Variants in CREBL2 observed in about 807,000 individuals in gnomAD.
CREBL2 encodes cAMP-responsive element-binding protein-like 2.
In CREBL2, 4 loss-of-function variants were observed where a neutral mutation model predicts 19.5. That is an observed-to-expected ratio of 0.20 (90% confidence interval 0.10 to 0.47). The LOEUF (loss-of-function observed/expected upper bound fraction) is 0.47, where lower values mean the gene tolerates loss of function less well. Among genes scored for constraint, CREBL2 ranks in the 20% least tolerant of loss-of-function variants. The pLI is 0.98. For synonymous variants in CREBL2, 42 were observed against 46.6 expected, an observed-to-expected ratio of 0.90 and a Z score of 0.40; for missense variants, 85 against 145.1, an observed-to-expected ratio of 0.59 and a Z score of 2.13.
chr12:12,643,736 G>C lies in CREBL2; in HGVS notation c.*1738G>C, dbSNP rs1417769705. On this transcript the variant is annotated 3_prime_UTR_variant, in exon 4 of 4. Transcript: ENST00000228865. ...AGATACCACTAGCCCAGTTTGCTGG[G>C]TCTCTATGTTTTGGAAGTTGGGGGT... The C allele has an allele frequency of 6.6e-6, 1 of 152,094 alleles. No homozygotes were observed. Among genetic ancestry groups the C allele is most frequent in the African/African-American group, 2.4e-5 (1 of 41,410 alleles). 9.4% of individuals were successfully genotyped at this position (152,094 alleles called of 1,614,324 possible).
At chr12:12,639,076 G>A (rs1290301171) in intron 3 of CREBL2, among the ~76,000 whole-genome samples, 1 of 152,088 alleles carries the variant, frequency 6.6e-6, no homozygotes, top group Non-Finnish European at 1.5e-5. Context: ...TACAGTATGT[G>A]ACTTTTTGGG....
At chr12:12,633,983 C>T (rs1164935973) in intron 1 of CREBL2, among the ~76,000 whole-genome samples, 4 of 152,008 alleles carry the variant, frequency 2.6e-5, no homozygotes, top group Non-Finnish European at 5.9e-5. Flanking sequence ...TCTTCGAGGG[C>T]GATTTTCAGA....
rs557143119 is a variant in CREBL2 at position 12,635,560 on chromosome 12, G to A, written c.16-217G>A. Among the ~76,000 whole-genome samples the A allele has an allele frequency of 1.6e-4, 24 of 152,074 alleles. 1 individual carries two copies. In the South Asian group the frequency reaches 4.4e-3, roughly 28 times the overall value. ...TTATTATCAAATAAATAATAAAAAT[G>A]TATATTATTTCTTCTTTCACATTCA... is the stretch of plus-strand genomic sequence containing the variant. On this transcript the variant is annotated intron_variant, in intron 1 of 3. Coordinates refer to ENST00000228865, the MANE Select transcript of CREBL2 (RefSeq NM_001310.4).
chr12:12,617,882 T>C (rs543615132), intron 1 of CREBL2, among the ~76,000 whole-genome samples: 92 of 151,610 alleles, frequency 6.1e-4, no homozygotes, highest in African/African-American at 2.2e-3. Context: ...TTAACGAGCA[T>C]GCTGCCTTCA....
At chr12:12,631,904 ACT>A (rs1945444950) in intron 1 of CREBL2, among the ~76,000 whole-genome samples, 1 of 151,906 alleles carries the variant, frequency 6.6e-6, no homozygotes, top group Non-Finnish European at 1.5e-5. Context: ...TGTTATACTT[ACT>A]CTCTTAGAAC....
intron 2 of CREBL2, among the ~76,000 whole-genome samples, chr12:12,636,446 A>G (rs1381969427): frequency 2.6e-5 from 4 of 151,828 alleles, no homozygotes; most frequent in African/African-American, 9.7e-5. Flanking sequence ...TTTGAGATAG[A>G]GTCTTGCTCT....
chr12:12,636,164 G>A (rs1301347153), intron 2 of CREBL2, among the ~76,000 whole-genome samples, 190 bp downstream of exon 2: 3 of 152,198 alleles, frequency 2.0e-5, no homozygotes, highest in Non-Finnish European at 4.4e-5. Context: ...GTACGTGACT[G>A]TTAACACTAA....
In CREBL2 at chr12:12,643,771, T is replaced by A. The variant is rs530185673; in HGVS notation, c.*1773T>A. ...TTTGGAAGTTGGGGGTTTAATAATA[T>A]TTAATGTCTTTTTAGGATCATAAAC... On this transcript the variant is annotated 3_prime_UTR_variant, in exon 4 of 4. Coordinates refer to ENST00000228865, the MANE Select transcript of CREBL2 (RefSeq NM_001310.4). 6.6e-6 allele frequency: 1 copy of A among 152,326 alleles called. No homozygotes were observed. The highest frequency in any genetic ancestry group is 1.5e-5 in the Non-Finnish European group (1 of 68,036). The allele number at this position is 152,326 out of a possible 1,614,324, so 9.4% of individuals were successfully genotyped here. A position where few individuals can be genotyped will look rare whatever the true frequency, so the allele number is the denominator to read the frequency against.
chr12:12,634,131 A>G (rs1338417763), intron 1 of CREBL2, among the ~76,000 whole-genome samples: 1 of 151,864 alleles, frequency 6.6e-6, no homozygotes, highest in African/African-American at 2.4e-5. Flanking sequence ...CTCCAATACT[A>G]CTTTTCAGAA....
At chr12:12,612,776 A>G (rs556043935) in intron 1 of CREBL2, among the ~76,000 whole-genome samples, 9 of 152,262 alleles carry the variant, frequency 5.9e-5, no homozygotes, top group East Asian at 3.9e-4. Flanking sequence ...TCACCATCCA[A>G]TTTCCCTGTC....
intron 2 of CREBL2, among the ~76,000 whole-genome samples, chr12:12,636,399 CTTTA>C (rs1444511092): frequency 4.6e-5 from 7 of 152,050 alleles, no homozygotes; most frequent in African/African-American, 7.2e-5. Flanking sequence ...GTTTAAGTGA[CTTTA>C]TTTATTTATT....
At chr12:12,635,719 T>C (rs1317116776) in intron 1 of CREBL2, 58 bp from the exon 2 acceptor site, 2 of 1,534,420 alleles carry the variant, frequency 1.3e-6, no homozygotes, top group Admixed American at 2.1e-5. Flanking sequence ...TGCAGCCATA[T>C]TCACTTTTCT....
intron 1 of CREBL2, among the ~76,000 whole-genome samples, chr12:12,629,924 C>G (rs1945430224): frequency 6.6e-6 from 1 of 152,100 alleles, no homozygotes; most frequent in South Asian, 2.1e-4. Flanking sequence ...ATTGATTTCT[C>G]AGTTGTCAAA....
At chr12:12,636,244 A>G (rs1298321599) in intron 2 of CREBL2, among the ~76,000 whole-genome samples, 1 of 152,184 alleles carries the variant, frequency 6.6e-6, no homozygotes, top group Non-Finnish European at 1.5e-5. Flanking sequence ...GGTTAAATAA[A>G]TGTTACTACA....
At chr12:12,614,863 T>C in intron 1 of CREBL2, 2 of 259,096 alleles carry the variant, frequency 7.7e-6, no homozygotes, top group South Asian at 7.5e-5. Context: ...ATTAGTTTTT[T>C]TTTTTTTTTT....
rs869253910 is a variant in CREBL2 at position 12,632,068 on chromosome 12, C to CTTTTTTTTTTTTT, written c.16-3694_16-3682dup. ...CCTTGGATTCATATACTATGCCTTTCTTTTTTTTTTTTTTTTTTTTTTTTT... is the reference window on the plus strand; with the variant it reads ...CCTTGGATTCATATACTATGCCTTTCTTTTTTTTTTTTTTTTTTTTTTTTTTTTTTTTTTTTTT... On this transcript the variant is annotated intron_variant, in intron 1 of 3. Coordinates refer to ENST00000228865, the MANE Select transcript of CREBL2 (RefSeq NM_001310.4). Among the ~76,000 whole-genome samples, 10 of 80,626 alleles carry CTTTTTTTTTTTTT rather than the reference C, an allele frequency of 1.2e-4. 1 individual carries two copies. Among genetic ancestry groups the CTTTTTTTTTTTTT allele is most frequent in the African/African-American group, 5.2e-4 (10 of 19,408 alleles). The allele number at this position is 80,626 out of a possible 152,430, so 52.9% of individuals were successfully genotyped here.
At chr12:12,636,009 C>T (rs1945472051) in intron 2 of CREBL2, 35 bp downstream of exon 2, 1 of 1,558,856 alleles carries the variant, frequency 6.4e-7, no homozygotes, top group East Asian at 2.2e-5. Flanking sequence ...GAAAAAATCA[C>T]CTTAACAGTC....
At chr12:12,613,501 T>G (rs1172851152) in intron 1 of CREBL2, among the ~76,000 whole-genome samples, 1 of 152,320 alleles carries the variant, frequency 6.6e-6, no homozygotes, top group East Asian at 1.9e-4. Context: ...GTGTTCCTTG[T>G]TTTATTCTTT....
At position 12,619,385 on chromosome 12, in the gene CREBL2, G is replaced by A. The variant is rs1945342407; in HGVS notation, c.15+7198G>A. Among the ~76,000 whole-genome samples, 2 of 152,096 alleles carry A rather than the reference G, an allele frequency of 1.3e-5. 1 individual carries two copies. The highest frequency in any genetic ancestry group is 4.2e-4 in the South Asian group (2 of 4,818). Reference sequence around the variant, plus strand: ...AGCACTTTGAGAGGCCAAGGTGGGTGGATTGAGTTCAGGAGTTCAAGATCA... The same window carrying A: ...AGCACTTTGAGAGGCCAAGGTGGGTAGATTGAGTTCAGGAGTTCAAGATCA... On this transcript the variant is annotated intron_variant, in intron 1 of 3. Transcript: ENST00000228865.
Sources: gnomAD v4.1 joint callset for allele counts (sites outside exome capture counted in the v4.1 genomes callset) on GRCh38, gnomAD v4.1.1 for gene constraint, MANE v1.5 for transcripts, NCBI Gene and HGNC (gene_info 2026-07-23, HGNC 2026-07-21) for gene names.